The following NXNL2 variants were observed in gnomAD, a reference collection of about 807,000 sequenced individuals.
NXNL2 encodes the protein nucleoredoxin like 2.
NXNL2 carries 7 observed loss-of-function variants against 11.1 expected under a neutral mutation model. That is an observed-to-expected ratio of 0.63 (90% confidence interval 0.36 to 1.18). NXNL2 has a LOEUF of 1.18. NXNL2 is among the 50% of genes most tolerant of loss of function. The pLI is 0.02. For synonymous variants in NXNL2, 109 were observed against 101.8 expected (o/e 1.07, Z -0.42); for missense variants, 233 against 217.7 (o/e 1.07, Z -0.44).
chr9:88,556,171 A>G (rs939000705), intron 1 of NXNL2, among the ~76,000 whole-genome samples: 2 of 152,138 alleles, frequency 1.3e-5, no homozygotes. Context: ...AGTCTGGTGA[A>G]TGGGAGTGCA....
intron 1 of NXNL2, among the ~76,000 whole-genome samples, chr9:88,583,111 T>G (rs932408281): frequency 1.3e-5 from 2 of 152,226 alleles, no homozygotes; most frequent in Non-Finnish European, 2.9e-5. Flanking sequence ...ACCTTGATGC[T>G]GCTCTCTGTG....
chr9:88,568,823 T>C (rs182805643), intron 1 of NXNL2, among the ~76,000 whole-genome samples: 8 of 152,346 alleles, frequency 5.3e-5, no homozygotes, highest in Non-Finnish European at 4.4e-5. Flanking sequence ...TTCACGTTCA[T>C]TTATAATATG....
chr9:88,544,037 G>A (rs1371456258), intron 1 of NXNL2, among the ~76,000 whole-genome samples: 1 of 152,222 alleles, frequency 6.6e-6, no homozygotes. Context: ...TGGATGTGGT[G>A]GCACATACCT....
chr9:88,547,255 C>T (rs1157846014), downstream of NXNL2, among the ~76,000 whole-genome samples: 2 of 152,238 alleles, frequency 1.3e-5, no homozygotes, highest in African/African-American at 4.8e-5. Context: ...CAGGGTGCTC[C>T]ACAAGCCATC....
chr9:88,555,513 A>G (rs1371833891), intron 1 of NXNL2, among the ~76,000 whole-genome samples: 1 of 152,202 alleles, frequency 6.6e-6, no homozygotes, highest in African/African-American at 2.4e-5. Flanking sequence ...TCTGTGTTCT[A>G]GCTGGTTTGG....
chr9:88,559,059 CAA>C (rs1830053931), intron 1 of NXNL2, among the ~76,000 whole-genome samples: 2 of 152,230 alleles, frequency 1.3e-5, no homozygotes, highest in African/African-American at 4.8e-5. Context: ...CTGTGTTTCC[CAA>C]GAGACACAGA....
In NXNL2 at chr9:88,574,758, G is replaced by A. The variant is rs756976865; in HGVS notation, c.*17-329G>A. Among the ~76,000 whole-genome samples the A allele has an allele frequency of 1.3e-4, 20 of 152,140 alleles. 1 individual carries two copies. The highest frequency in any genetic ancestry group is 2.6e-4 in the Admixed American group (4 of 15,270). On this transcript the variant is annotated intron_variant, in intron 2 of 2. Coordinates refer to the NXNL2 transcript ENST00000375855. ...TAGCTGATCTGAATAGAGGGAAGGAGCCAGCTTGTTGGGGAGAGGAATGTT... is the reference window on the plus strand; with the variant it reads ...TAGCTGATCTGAATAGAGGGAAGGAACCAGCTTGTTGGGGAGAGGAATGTT...
chr9:88,572,087 C>T (rs138196372), intron 2 of NXNL2, among the ~76,000 whole-genome samples: 5 of 152,304 alleles, frequency 3.3e-5, no homozygotes, highest in African/African-American at 7.2e-5. Context: ...CCCCATAGCC[C>T]ACCTCCAGAC....
intron 1 of NXNL2, among the ~76,000 whole-genome samples, chr9:88,556,896 T>G (rs1830019617): frequency 6.6e-6 from 1 of 151,718 alleles, no homozygotes; most frequent in African/African-American, 2.4e-5. Context: ...GCTAACACGG[T>G]GAAACCCCGT....
intron 1 of NXNL2, among the ~76,000 whole-genome samples, chr9:88,567,351 C>G (rs887518248): frequency 2.0e-5 from 3 of 152,232 alleles, no homozygotes; most frequent in Admixed American, 2.0e-4. Flanking sequence ...GTTGGCCAGC[C>G]TTGTCTCCAA....
intron 1 of NXNL2, among the ~76,000 whole-genome samples, chr9:88,550,061 G>T (rs909559994): frequency 2.6e-5 from 4 of 152,040 alleles, no homozygotes; most frequent in Non-Finnish European, 5.9e-5. Flanking sequence ...CAGGTAATCT[G>T]CCCACCTCGG....
At chr9:88,546,927 C>T (rs1020729878), downstream of NXNL2, among the ~76,000 whole-genome samples, 1 of 152,184 alleles carries the variant, frequency 6.6e-6, no homozygotes, top group Non-Finnish European at 1.5e-5. Flanking sequence ...ATGTTTTAGT[C>T]CATCTATATG....
intron 1 of NXNL2, among the ~76,000 whole-genome samples, chr9:88,559,222 A>G (rs528586315): frequency 3.3e-5 from 5 of 152,252 alleles, no homozygotes; most frequent in Admixed American, 2.6e-4. Context: ...TTGGGATGGC[A>G]TGTGCTCAGG....
At chr9:88,572,907 A>G (rs1183819890) in intron 2 of NXNL2, among the ~76,000 whole-genome samples, 1 of 152,158 alleles carries the variant, frequency 6.6e-6, no homozygotes, top group African/African-American at 2.4e-5. Context: ...GTCCCACAAG[A>G]GGCCATTGTG....
In NXNL2 at chr9:88,535,848, C is replaced by T. The variant is rs62580716; in HGVS notation, c.302+112C>T. 8 of 805,106 alleles carry T rather than the reference C, an allele frequency of 9.9e-6. No individual in the cohort carries two copies. The Admixed American group carries it at 1.2e-4, about 12-fold the overall frequency. The allele number at this position is 805,106 out of a possible 1,614,324, so 49.9% of individuals were successfully genotyped here. On this transcript the variant is annotated intron_variant, in intron 1 of 1. Transcript: ENST00000375854. Reference sequence around the variant, plus strand: ...TTTATGACGCCCCCCCCCAACACCTCCCCGTCTCTCGGTTCACGTCCGGAC... The same window carrying T: ...TTTATGACGCCCCCCCCCAACACCTTCCCGTCTCTCGGTTCACGTCCGGAC...
chr9:88,562,441 AAAAG>A (rs1017974632), intron 1 of NXNL2, among the ~76,000 whole-genome samples: 10 of 152,190 alleles, frequency 6.6e-5, no homozygotes, highest in Admixed American at 5.9e-4. Context: ...AAAAAATGAA[AAAAG>A]AAAGAAAGAA....
At chr9:88,540,763 T>A (rs1456173299) in intron 1 of NXNL2, among the ~76,000 whole-genome samples, 1 of 112,330 alleles carries the variant, frequency 8.9e-6, no homozygotes, top group Admixed American at 9.8e-5. Context: ...ATTGGTTCTT[T>A]GGGGAATAGG....
At chr9:88,580,963 C>G (rs576987094) in intron 1 of NXNL2, among the ~76,000 whole-genome samples, 1 of 152,206 alleles carries the variant, frequency 6.6e-6, no homozygotes, top group South Asian at 2.1e-4. Context: ...TTATTTTTTG[C>G]AAGAATATCA....
At chr9:88,539,029 G>A (rs1164225136) in intron 1 of NXNL2, among the ~76,000 whole-genome samples, 1 of 152,124 alleles carries the variant, frequency 6.6e-6, no homozygotes, top group African/African-American at 2.4e-5. Flanking sequence ...GTGCTGTCAG[G>A]GGCACCATGC....
Sources: allele counts gnomAD v4.1 joint callset (sites outside exome capture counted in the v4.1 genomes callset), GRCh38; gene constraint gnomAD v4.1.1; transcripts MANE v1.5; gene names NCBI Gene and HGNC (gene_info 2026-07-23, HGNC 2026-07-21).